The following SYN2 variants were observed in gnomAD, a reference collection of about 807,000 sequenced individuals.
SYN2 encodes the protein synapsin-2.
Under a neutral mutation model 50.9 loss-of-function variants are expected in SYN2, and 19 were observed. The observed-to-expected ratio is 0.37, with a 90% CI of 0.26 to 0.55. The LOEUF (loss-of-function observed/expected upper bound fraction) is 0.55, where lower values mean the gene tolerates loss of function less well. Among genes scored for constraint, SYN2 ranks in the 20% least tolerant of loss-of-function variants. The pLI is 0.81. For synonymous variants in SYN2, 255 were observed against 224.9 expected (o/e 1.13, Z -1.20); for missense variants, 587 against 576.4 (o/e 1.02, Z -0.19).
chr3:12,096,267 A>G (rs1348744414), intron 1 of SYN2, among the ~76,000 whole-genome samples: 1 of 152,166 alleles, frequency 6.6e-6, no homozygotes, highest in Non-Finnish European at 1.5e-5. Context: ...AGGGAAAGAG[A>G]TCTCCTAAAA....
chr3:12,130,218 G>A (rs1441340533), intron 1 of SYN2, among the ~76,000 whole-genome samples: 3 of 142,670 alleles, frequency 2.1e-5, no homozygotes, highest in East Asian at 2.1e-4. Flanking sequence ...ACAGAGAGAT[G>A]TGTATGCATC....
intron 1 of SYN2, among the ~76,000 whole-genome samples, chr3:12,085,737 T>G (rs55691820): frequency 0.016 from 2,406 of 152,126 alleles, 37 homozygotes; most frequent in Middle Eastern, 0.034. Flanking sequence ...ATACCAAAAC[T>G]TATGGGATGC....
chr3:12,055,029 A>G (rs1041184499), intron 1 of SYN2, among the ~76,000 whole-genome samples: 1 of 152,120 alleles, frequency 6.6e-6, no homozygotes, highest in Admixed American at 6.5e-5. Flanking sequence ...GAATGCCAAA[A>G]TTAAAAAGCT....
chr3:12,043,244 G>A (rs772736436), intron 1 of SYN2, among the ~76,000 whole-genome samples: 20 of 152,126 alleles, frequency 1.3e-4, no homozygotes, highest in African/African-American at 3.6e-4. Context: ...GGCTGGTCTC[G>A]AGCGCCTGAC....
chr3:12,161,727 T>C, intron 6 of SYN2, 119 bp downstream of exon 6: 2 of 1,276,484 alleles, frequency 1.6e-6, no homozygotes, highest in African/African-American at 1.5e-5. Flanking sequence ...AAAGAGAAGA[T>C]GATTTGCCAC....
At chr3:12,110,523 C>T (rs950825363) in intron 1 of SYN2, among the ~76,000 whole-genome samples, 1 of 152,204 alleles carries the variant, frequency 6.6e-6, no homozygotes, top group African/African-American at 2.4e-5. Context: ...TTCACTTCTG[C>T]ACTGCTGTAG....
intron 1 of SYN2, among the ~76,000 whole-genome samples, chr3:12,067,591 G>T (rs1483671226): frequency 6.8e-6 from 1 of 147,164 alleles, no homozygotes; most frequent in Admixed American, 6.8e-5. Context: ...CATATTACAA[G>T]CTCCAGACTC....
intron 1 of SYN2, among the ~76,000 whole-genome samples, chr3:12,090,044 A>G (rs1301898945): frequency 6.6e-6 from 1 of 152,218 alleles, no homozygotes; most frequent in Non-Finnish European, 1.5e-5. Flanking sequence ...GAAATAGACT[A>G]AAAGCATTTT....
intron 1 of SYN2, among the ~76,000 whole-genome samples, chr3:12,011,418 G>A (rs1287928160): frequency 6.6e-6 from 1 of 152,154 alleles, no homozygotes; most frequent in East Asian, 1.9e-4. Context: ...TTTTAGTAGG[G>A]CAGTGACCTG....
At chr3:12,168,298 A>G in intron 8 of SYN2, 78 bp from the exon 9 acceptor site, 1 of 1,158,356 alleles carries the variant, frequency 8.6e-7, no homozygotes, top group South Asian at 1.3e-5. Flanking sequence ...TGGAGGCAGC[A>G]AGGAGAGCCT....
At chr3:12,094,618 G>A (rs1035774414) in intron 1 of SYN2, among the ~76,000 whole-genome samples, 1 of 152,188 alleles carries the variant, frequency 6.6e-6, no homozygotes, top group Admixed American at 6.5e-5. Context: ...GAGGGGGTGA[G>A]TGTAATACCT....
At chr3:12,179,380 A>G (rs960446869) in intron 10 of SYN2, among the ~76,000 whole-genome samples, 3 of 150,458 alleles carry the variant, frequency 2.0e-5, no homozygotes, top group South Asian at 2.1e-4. Context: ...GAAAGAAAAA[A>G]AAAAAAAAAA....
At chr3:12,013,125 C>T (rs1399310473) in intron 1 of SYN2, among the ~76,000 whole-genome samples, 1 of 152,068 alleles carries the variant, frequency 6.6e-6, no homozygotes, top group Non-Finnish European at 1.5e-5. Context: ...TTCTTTGTTC[C>T]TTTTTAAAAT....
intron 1 of SYN2, among the ~76,000 whole-genome samples, chr3:12,134,624 T>C (rs1361547956): frequency 6.6e-6 from 1 of 152,276 alleles, no homozygotes; most frequent in African/African-American, 2.4e-5. Flanking sequence ...GCTGTGCTTG[T>C]ATGTCTACTG....
At chr3:12,018,402 G>A (rs1694065346) in intron 1 of SYN2, among the ~76,000 whole-genome samples, 1 of 152,194 alleles carries the variant, frequency 6.6e-6, no homozygotes. Context: ...TGGATCCTGT[G>A]TGTATTTCTT....
intron 1 of SYN2, among the ~76,000 whole-genome samples, chr3:12,133,553 A>T (rs1042328823): frequency 6.6e-6 from 1 of 152,236 alleles, no homozygotes; most frequent in Non-Finnish European, 1.5e-5. Context: ...GACCTAATCA[A>T]TCAAGTGATT....
chr3:12,161,882 A>G (rs1310908401), intron 6 of SYN2, 130 bp from the exon 7 acceptor site: 1 of 1,333,168 alleles, frequency 7.5e-7, no homozygotes, highest in African/African-American at 1.5e-5. Flanking sequence ...TCCTGGGGAG[A>G]TGTGGCACCC....
chr3:12,171,398 T>C (rs1697932259), intron 10 of SYN2, among the ~76,000 whole-genome samples: 1 of 152,214 alleles, frequency 6.6e-6, no homozygotes, highest in Non-Finnish European at 1.5e-5. Flanking sequence ...TGAACCAGGT[T>C]ACTGCTTGTC....
intron 1 of SYN2, among the ~76,000 whole-genome samples, chr3:12,051,651 A>G (rs1473623893): frequency 6.6e-6 from 1 of 152,234 alleles, no homozygotes; most frequent in East Asian, 1.9e-4. Flanking sequence ...AGTAGATCTC[A>G]GGTCTCTGAA....
Sources: allele counts gnomAD v4.1 joint callset (sites outside exome capture counted in the v4.1 genomes callset), GRCh38; gene constraint gnomAD v4.1.1; transcripts MANE v1.5; gene names NCBI Gene and HGNC (gene_info 2026-07-23, HGNC 2026-07-21).